RFTN1: variants seen among roughly 807,000 people sequenced by gnomAD.
RFTN1 encodes the protein raftlin, lipid raft linker 1.
RFTN1 carries 26 observed loss-of-function variants against 46.5 expected under a neutral mutation model. The observed-to-expected ratio is 0.56, with a 90% CI of 0.41 to 0.78. The LOEUF is 0.78. Ranked by LOEUF, RFTN1 falls within the 30% of genes least tolerant of loss-of-function variation. RFTN1 has a pLI of 0.00. For synonymous variants in RFTN1, 261 were observed against 284.2 expected (o/e 0.92, Z 0.82); for missense variants, 693 against 718.7 (o/e 0.96, Z 0.41).
intron 2 of RFTN1, among the ~76,000 whole-genome samples, chr3:16,476,487 TAGAAAC>T (rs2076282986): frequency 6.6e-6 from 1 of 152,148 alleles, no homozygotes; most frequent in Non-Finnish European, 1.5e-5. Context: ...GAAAATAAGA[TAGAAAC>T]AGAGGTTGAC....
At chr3:16,436,752 A>T (rs894054168) in intron 2 of RFTN1, among the ~76,000 whole-genome samples, 1 of 152,246 alleles carries the variant, frequency 6.6e-6, no homozygotes. Flanking sequence ...ATATTCCCAA[A>T]TATGAGTTTA....
rs1345229662 is a variant in RFTN1, at chr3:16,342,056, TA to T, written c.1147-15181del. Among the ~76,000 whole-genome samples the T allele has an allele frequency of 6.6e-6, 1 of 152,204 alleles. No individual in the cohort carries two copies. Among genetic ancestry groups the T allele is most frequent in the African/African-American group, 2.4e-5 (1 of 41,440 alleles). On this transcript the variant is annotated intron_variant, in intron 7 of 9. Coordinates refer to ENST00000334133, the MANE Select transcript of RFTN1 (RefSeq NM_015150.2). This position sits in a 1 kb window ranked among gnomAD's most constrained non-coding sequence, Gnocchi z 4.0. ...ACATCTTTATTGATATATAATTGGA[TA>T]TCTTAAAATTCACCTATTTAAAGCA...
At chr3:16,398,201 C>T (rs1215409273) in intron 4 of RFTN1, among the ~76,000 whole-genome samples, 3 of 144,642 alleles carry the variant, frequency 2.1e-5, no homozygotes, top group Admixed American at 7.4e-5. Flanking sequence ...AAGCCGAGAT[C>T]GCACCACTGC....
At chr3:16,471,838 T>A (rs1299153949) in intron 2 of RFTN1, 1 of 152,232 alleles carries the variant, frequency 6.6e-6, no homozygotes, top group Non-Finnish European at 1.5e-5. Flanking sequence ...TTGAAAAGTC[T>A]TAAGATGTGG....
rs1360109883 is a variant in RFTN1, at chr3:16,400,710, T to G, written c.441+8665A>C. 6.6e-6 allele frequency among the ~76,000 whole-genome samples: 1 copy of G among 152,106 alleles called. No homozygotes were observed. The highest frequency in any genetic ancestry group is 1.5e-5 in the Non-Finnish European group (1 of 68,022). ...ACCCCTTCCCTCCCTCCGGCTTAAA[T>G]TAACTTCAGCGAACCTCTCTGGACA... is the stretch of plus-strand genomic sequence containing the variant. On this transcript the variant is annotated intron_variant, in intron 4 of 9. Transcript: ENST00000334133. The surrounding 1 kb of genome is among the most constrained non-coding windows in gnomAD (Gnocchi z 4.5).
In RFTN1 at chr3:16,443,210, A is replaced by G. The variant is rs1208238467; in HGVS notation, c.146-9173T>C. On this transcript the variant is annotated intron_variant, in intron 2 of 9. Coordinates refer to ENST00000334133, the MANE Select transcript of RFTN1 (RefSeq NM_015150.2). This position sits in a 1 kb window ranked among gnomAD's most constrained non-coding sequence, Gnocchi z 5.5. ...ACCAACGGGGTGCAAGGGTTCTCTT[A>G]TACTTCACATCCTCACCAACACTTC... Among the ~76,000 whole-genome samples the G allele has an allele frequency of 1.3e-5, 2 of 152,320 alleles. No individual in the cohort carries two copies. Among genetic ancestry groups the G allele is most frequent in the African/African-American group, 2.4e-5 (1 of 41,572 alleles).
intron 2 of RFTN1, among the ~76,000 whole-genome samples, chr3:16,488,220 G>A (rs777328033): frequency 6.6e-6 from 1 of 151,464 alleles, no homozygotes; most frequent in Non-Finnish European, 1.5e-5. Flanking sequence ...CTGCCTCAGC[G>A]TCCCGAGTAG....
chr3:16,446,760 G>A lies in RFTN1; in HGVS notation c.146-12723C>T, dbSNP rs1210616324. ...AGATTTCCCAAAAAGTGCGGTACCC[G>A]AGGGTATGAGCACACTTGAGTTTGG... On this transcript the variant is annotated intron_variant, in intron 2 of 9. Coordinates refer to ENST00000334133, the MANE Select transcript of RFTN1 (RefSeq NM_015150.2). The surrounding 1 kb of genome is among the most constrained non-coding windows in gnomAD (Gnocchi z 4.5). Among the ~76,000 whole-genome samples the A allele has an allele frequency of 6.6e-6, 1 of 151,270 alleles. No individual in the cohort carries two copies. The highest frequency in any genetic ancestry group is 2.4e-5 in the African/African-American group (1 of 41,066).
rs771319244 is a variant in RFTN1, at chr3:16,370,804, C to T, written c.827-525G>A. 6.5e-6 allele frequency: 1 copy of T among 153,102 alleles called. No homozygotes were observed. Among genetic ancestry groups the T allele is most frequent in the Non-Finnish European group, 1.5e-5 (1 of 68,784 alleles). The allele number at this position is 153,102 out of a possible 1,614,324, so 9.5% of individuals were successfully genotyped here. A position where few individuals can be genotyped will look rare whatever the true frequency, so the allele number is the denominator to read the frequency against. On this transcript the variant is annotated intron_variant, in intron 5 of 9. Transcript: ENST00000334133. The surrounding 1 kb of genome is among the most constrained non-coding windows in gnomAD (Gnocchi z 5.5). The stretch of plus-strand genomic sequence containing the variant: ...ACCCATAATACTTAATCAAGTACAT[C>T]AAAAATACATCATTGATATGTAAAA...
chr3:16,513,275 C>CCAGG lies in RFTN1; in HGVS notation c.-9+163_-9+166dup, dbSNP rs992864560. On this transcript the variant is annotated intron_variant, in intron 1 of 9. Coordinates refer to ENST00000334133, the MANE Select transcript of RFTN1 (RefSeq NM_015150.2). The surrounding 1 kb of genome is among the most constrained non-coding windows in gnomAD (Gnocchi z 5.4). ...AGCCCAGGTCCCCATCCGACGCGGG[C>CCAGG]CAGGGGGTGCTGCTCTGGCAGCTCC... 5.2e-5 allele frequency: 8 copies of CCAGG among 152,476 alleles called. No homozygotes were observed. Among genetic ancestry groups the CCAGG allele is most frequent in the African/African-American group, 1.9e-4 (8 of 41,480 alleles). The allele number at this position is 152,476 out of a possible 1,614,324, so 9.4% of individuals were successfully genotyped here.
At chr3:16,485,648 G>C (rs561667464) in intron 2 of RFTN1, among the ~76,000 whole-genome samples, 3 of 152,248 alleles carry the variant, frequency 2.0e-5, no homozygotes, top group African/African-American at 4.8e-5. Flanking sequence ...AGGCACCTGA[G>C]GGAACTTTCT....
chr3:16,485,081 T>C (rs1234933043), intron 2 of RFTN1, among the ~76,000 whole-genome samples: 1 of 152,186 alleles, frequency 6.6e-6, no homozygotes, highest in Non-Finnish European at 1.5e-5. Context: ...GGTAAACATG[T>C]ATTTAGCATA....
In RFTN1 at chr3:16,413,764, C is replaced by T. The variant is rs538692345; in HGVS notation, c.333-4281G>A. 6.6e-6 allele frequency among the ~76,000 whole-genome samples: 1 copy of T among 152,080 alleles called. No homozygotes were observed. The highest frequency in any genetic ancestry group is 1.5e-5 in the Non-Finnish European group (1 of 68,020). On this transcript the variant is annotated intron_variant, in intron 3 of 9. Transcript: ENST00000334133. This position sits in a 1 kb window ranked among gnomAD's most constrained non-coding sequence, Gnocchi z 4.7. ...CATGACTAATAATAAAATATGCTTC[C>T]CCATCACTCGCCATCCCCAACTTGG... is the stretch of plus-strand genomic sequence containing the variant.
rs1236365061 is a variant in RFTN1, at chr3:16,387,486, AC to A, written c.442-9385del. On this transcript the variant is annotated intron_variant, in intron 4 of 9. Coordinates refer to ENST00000334133, the MANE Select transcript of RFTN1 (RefSeq NM_015150.2). This position sits in a 1 kb window ranked among gnomAD's most constrained non-coding sequence, Gnocchi z 5.2. The stretch of plus-strand genomic sequence containing the variant: ...ATCGGTGTGACCCGGTTAAGGCAAA[AC>A]CCAGGCCATAGAGCTCATGTTTTCT... Among the ~76,000 whole-genome samples the A allele has an allele frequency of 2.6e-5, 4 of 151,150 alleles. No individual in the cohort carries two copies. The highest frequency in any genetic ancestry group is 9.8e-5 in the African/African-American group (4 of 40,924).
chr3:16,424,747 C>T lies in RFTN1; in HGVS notation c.332+9104G>A, dbSNP rs1433927413. Reference sequence around the variant, plus strand: ...AATCATTTAAAATATAAAATTTGGACAGATTTTAGAGACAATCATTATATA... The same window carrying T: ...AATCATTTAAAATATAAAATTTGGATAGATTTTAGAGACAATCATTATATA... On this transcript the variant is annotated intron_variant, in intron 3 of 9. Coordinates refer to ENST00000334133, the MANE Select transcript of RFTN1 (RefSeq NM_015150.2). The surrounding 1 kb of genome is among the most constrained non-coding windows in gnomAD (Gnocchi z 4.7). Among the ~76,000 whole-genome samples, 2 of 152,102 alleles carry T rather than the reference C, an allele frequency of 1.3e-5. No homozygotes were observed. Among genetic ancestry groups the T allele is most frequent in the East Asian group, 1.9e-4 (1 of 5,198 alleles).
chr3:16,354,488 A>G (rs1019429945), intron 7 of RFTN1, among the ~76,000 whole-genome samples: 1 of 152,162 alleles, frequency 6.6e-6, no homozygotes, highest in Non-Finnish European at 1.5e-5. Context: ...TGCCCAAGTC[A>G]CCTCCTTTGA....
At chr3:16,386,302 A>T (rs1043613683) in intron 4 of RFTN1, among the ~76,000 whole-genome samples, 4 of 152,252 alleles carry the variant, frequency 2.6e-5, no homozygotes, top group Non-Finnish European at 4.4e-5. Flanking sequence ...TTGAGCTGAA[A>T]TTCTGTAATC....
intron 2 of RFTN1, among the ~76,000 whole-genome samples, chr3:16,492,339 C>T (rs2076549602): frequency 6.6e-6 from 1 of 152,216 alleles, no homozygotes; most frequent in Non-Finnish European, 1.5e-5. Context: ...GGAAGAGAAA[C>T]ACCTGCAGAC....
chr3:16,399,022 TG>T (rs1306664213), intron 4 of RFTN1, among the ~76,000 whole-genome samples: 1 of 152,254 alleles, frequency 6.6e-6, no homozygotes, highest in Non-Finnish European at 1.5e-5. Context: ...TTGTCTATTC[TG>T]TGCACATTTT....
Sources: gnomAD v4.1 joint callset for allele counts (sites outside exome capture counted in the v4.1 genomes callset) on GRCh38, gnomAD v4.1.1 for gene constraint, Gnocchi (gnomAD v3.1) non-coding constraint, MANE v1.5 for transcripts, NCBI Gene and HGNC (gene_info 2026-07-23, HGNC 2026-07-21) for gene names.